The following UBE2G2 variants were observed in gnomAD, a reference collection of about 807,000 sequenced individuals.
UBE2G2 encodes ubiquitin-conjugating enzyme E2 G2.
UBE2G2 carries 10 observed loss-of-function variants against 23.0 expected under a neutral mutation model. The observed-to-expected ratio is 0.43, with a 90% CI of 0.27 to 0.74. The LOEUF (loss-of-function observed/expected upper bound fraction) is 0.74, where lower values mean the gene tolerates loss of function less well. Ranked by LOEUF, UBE2G2 falls within the 30% of genes least tolerant of loss-of-function variation. The pLI is 0.19. For missense variants in UBE2G2, 150 were observed against 218.3 expected (o/e 0.69, Z 1.97); for synonymous variants, 86 against 81.3 (o/e 1.06, Z -0.31).
At position 44,777,316 on chromosome 21, in the gene UBE2G2, T is replaced by G; in HGVS notation, c.227A>C (p.Glu76Ala). The change falls in exon 4 of 6, where the codon GAG becomes GCG. Residue 76 changes from glutamate to alanine, a missense_variant. Coordinates refer to ENST00000345496, the MANE Select transcript of UBE2G2 (RefSeq NM_003343.6). ...LSPPKMRFTC[E>A]MFHPNIYPDG... ...GCACTTACTGTTGGGATGAAACATCTCACAGGTAAATCTCATCTTTGGGGG... is the reference window on the plus strand; with the variant it reads ...GCACTTACTGTTGGGATGAAACATCGCACAGGTAAATCTCATCTTTGGGGG... The G allele has an allele frequency of 6.2e-7, 1 of 1,613,982 alleles. No individual in the cohort carries two copies. Among genetic ancestry groups the G allele is most frequent in the Admixed American group, 1.7e-5 (1 of 60,020 alleles).
At position 44,793,055 on chromosome 21, in the gene UBE2G2, T is replaced by C. The variant is rs1311097043; in HGVS notation, c.44-4960A>G. Reference sequence around the variant, plus strand: ...TTCATGTGGAGTAGATCAGGAGAAATAACCACAGAACCTAATTTGCTAGGC... The same window carrying C: ...TTCATGTGGAGTAGATCAGGAGAAACAACCACAGAACCTAATTTGCTAGGC... On this transcript the variant is annotated intron_variant, in intron 1 of 5. Coordinates refer to ENST00000345496, the MANE Select transcript of UBE2G2 (RefSeq NM_003343.6). 2.0e-5 allele frequency among the ~76,000 whole-genome samples: 3 copies of C among 152,304 alleles called. No individual in the cohort carries two copies. The East Asian group carries it at 5.8e-4, about 29-fold the overall frequency.
intron 1 of UBE2G2, among the ~76,000 whole-genome samples, chr21:44,789,050 A>G (rs1351488242): frequency 2.0e-5 from 3 of 152,114 alleles, no homozygotes; most frequent in African/African-American, 7.2e-5. Context: ...ATATATAAAA[A>G]TGCAAACAAT....
At chr21:44,796,518 CAA>C (rs201137723) in intron 1 of UBE2G2, among the ~76,000 whole-genome samples, 3 of 151,360 alleles carry the variant, frequency 2.0e-5, no homozygotes, top group Non-Finnish European at 4.4e-5. Flanking sequence ...GATACACACA[CAA>C]AAAAAACCAG....
chr21:44,800,317 C>T (rs2083125030), intron 1 of UBE2G2: 1 of 152,100 alleles, frequency 6.6e-6, no homozygotes, highest in African/African-American at 2.4e-5. Context: ...TGAACGTTTA[C>T]AGGAGGCCCT....
At chr21:44,792,558 A>C (rs887427316) in intron 1 of UBE2G2, among the ~76,000 whole-genome samples, 1 of 152,150 alleles carries the variant, frequency 6.6e-6, no homozygotes, top group Non-Finnish European at 1.5e-5. Flanking sequence ...TGCCATGACT[A>C]TAAGTTTCCT....
chr21:44,782,589 G>A (rs1465305043), intron 3 of UBE2G2, among the ~76,000 whole-genome samples: 1 of 152,200 alleles, frequency 6.6e-6, no homozygotes, highest in Non-Finnish European at 1.5e-5. Context: ...CCTAAGGATA[G>A]GCATAGATCA....
chr21:44,782,747 G>C (rs1272848015), intron 3 of UBE2G2, among the ~76,000 whole-genome samples: 3 of 152,180 alleles, frequency 2.0e-5, no homozygotes, highest in Admixed American at 2.0e-4. Context: ...ACAAAAGAAT[G>C]AAACAGACTC....
rs1348378117 is a variant in UBE2G2 at position 44,801,362 on chromosome 21, G to A, written c.43+344C>T. Reference sequence around the variant, plus strand: ...TCCTAATTCCGCAGCAGCAAGTCAGGCCTTCTTCCTCAAGCTCTCACTGCA... The same window carrying A: ...TCCTAATTCCGCAGCAGCAAGTCAGACCTTCTTCCTCAAGCTCTCACTGCA... On this transcript the variant is annotated intron_variant, in intron 1 of 5. Coordinates refer to ENST00000345496, the MANE Select transcript of UBE2G2 (RefSeq NM_003343.6). 5.3e-6 allele frequency: 6 copies of A among 1,129,106 alleles called. No homozygotes were observed. In the African/African-American group the frequency reaches 8.2e-5, roughly 15 times the overall value. 69.9% of individuals were successfully genotyped at this position (1,129,106 alleles called of 1,614,324 possible).
At position 44,771,381 on chromosome 21, in the gene UBE2G2, A is replaced by G; in HGVS notation, c.494T>C (p.Leu165Pro). ...GCGCCTGTGCGAGGCCAGGTCTCAC[A>G]GTCCCAGAGACTTCTGGACGATCTG... ...AKQIVQKSLG[L>P] Residue 165 changes from leucine to proline, a missense_variant, in exon 6 of 6, where the codon CTG becomes CCG. Physicochemically the swap from Leu to Pro is moderately conservative, Grantham distance 98. Coordinates refer to ENST00000345496, the MANE Select transcript of UBE2G2 (RefSeq NM_003343.6). This position sits in a 1 kb window ranked among gnomAD's most constrained non-coding sequence, Gnocchi z 4.6. The G allele has an allele frequency of 1.2e-6, 2 of 1,612,710 alleles. No homozygotes were observed. The highest frequency in any genetic ancestry group is 1.7e-6 in the Non-Finnish European group (2 of 1,179,990).
chr21:44,799,126 C>A (rs2083115895), intron 1 of UBE2G2, among the ~76,000 whole-genome samples: 2 of 152,160 alleles, frequency 1.3e-5, no homozygotes, highest in Admixed American at 1.3e-4. Flanking sequence ...ATTCAGTAAA[C>A]CATGCTGTAC....
intron 1 of UBE2G2, among the ~76,000 whole-genome samples, chr21:44,794,758 T>C (rs1190994868): frequency 6.6e-6 from 1 of 152,102 alleles, no homozygotes; most frequent in African/African-American, 2.4e-5. Flanking sequence ...ATGGTCTCCA[T>C]CTCCTGACCT....
rs2082881712 is a variant in UBE2G2 at position 44,772,497 on chromosome 21, C to T, written c.386-1008G>A. ...TGCCGCCTTCCTTTCCCACACCCTTCCTCCTGACTGCCCTGGAAGACCCCT... is the reference window on the plus strand; with the variant it reads ...TGCCGCCTTCCTTTCCCACACCCTTTCTCCTGACTGCCCTGGAAGACCCCT... On this transcript the variant is annotated intron_variant, in intron 5 of 5. Coordinates refer to ENST00000345496, the MANE Select transcript of UBE2G2 (RefSeq NM_003343.6). This position sits in a 1 kb window ranked among gnomAD's most constrained non-coding sequence, Gnocchi z 5.4. Among the ~76,000 whole-genome samples the T allele has an allele frequency of 6.6e-6, 1 of 152,166 alleles. No homozygotes were observed. The highest frequency in any genetic ancestry group is 1.5e-5 in the Non-Finnish European group (1 of 68,032).
rs200917377 is a variant in UBE2G2 at position 44,801,530 on chromosome 21, G to GT, written c.43+175dup. On this transcript the variant is annotated intron_variant, in intron 1 of 5. Coordinates refer to ENST00000345496, the MANE Select transcript of UBE2G2 (RefSeq NM_003343.6). ...AAGGCTTCTCTTCACGACTTCACGC[G>GT]TGAGAGTGGGCAGCGGGCGCAGGGC... The GT allele has an allele frequency of 6.9e-3, 7,704 of 1,119,564 alleles. 39 individuals are homozygous for GT. The highest frequency in any genetic ancestry group is 0.015 in the South Asian group (696 of 45,472). 69.4% of individuals were successfully genotyped at this position (1,119,564 alleles called of 1,614,324 possible). A position where few individuals can be genotyped will look rare whatever the true frequency, so the allele number is the denominator to read the frequency against.
At chr21:44,789,183 G>C (rs574834268) in intron 1 of UBE2G2, 1 of 151,932 alleles carries the variant, frequency 6.6e-6, no homozygotes, top group African/African-American at 2.4e-5. Context: ...TCAGGAGTTC[G>C]AGACCAGCCT....
rs71326069 is a variant in UBE2G2 at position 44,788,287 on chromosome 21, G to GTTTTTTTTTTTTT, written c.44-193_44-192insAAAAAAAAAAAAA. Among the ~76,000 whole-genome samples, 9 of 135,594 alleles carry GTTTTTTTTTTTTT rather than the reference G, an allele frequency of 6.6e-5. 1 individual carries two copies. The highest frequency in any genetic ancestry group is 1.1e-4 in the Non-Finnish European group (7 of 62,656). The allele number at this position is 135,594 out of a possible 152,430, so 89.0% of individuals were successfully genotyped here. A position where few individuals can be genotyped will look rare whatever the true frequency, so the allele number is the denominator to read the frequency against. ...GATAACAACTACACAAAGTTTTTTT[G>GTTTTTTTTTTTTT]TTTTTTTTTTGTTTTTTTTTGAGAC... On this transcript the variant is annotated intron_variant, in intron 1 of 5. Coordinates refer to ENST00000345496, the MANE Select transcript of UBE2G2 (RefSeq NM_003343.6).
At chr21:44,794,544 T>G (rs1314300175) in intron 1 of UBE2G2, among the ~76,000 whole-genome samples, 2 of 151,286 alleles carry the variant, frequency 1.3e-5, no homozygotes, top group Non-Finnish European at 3.0e-5. Context: ...TTTGTTTTTT[T>G]TTTTTTTTGA....
intron 3 of UBE2G2, among the ~76,000 whole-genome samples, chr21:44,787,429 C>T (rs1215572879): frequency 6.6e-6 from 1 of 152,166 alleles, no homozygotes; most frequent in Non-Finnish European, 1.5e-5. Context: ...AAAGGAGATG[C>T]AGCACACGAA....
chr21:44,775,199 GC>G (rs1464078669), intron 4 of UBE2G2: 1 of 153,676 alleles, frequency 6.5e-6, no homozygotes, highest in African/African-American at 2.4e-5. Context: ...CCTGCGCTGG[GC>G]CTTTGCACAT....
intron 1 of UBE2G2, among the ~76,000 whole-genome samples, chr21:44,791,245 G>A (rs1321518448): frequency 6.6e-6 from 1 of 152,142 alleles, no homozygotes; most frequent in Non-Finnish European, 1.5e-5. Flanking sequence ...ATTCAAATAA[G>A]TAACAAGGAG....
Sources: allele counts gnomAD v4.1 joint callset (sites outside exome capture counted in the v4.1 genomes callset), GRCh38; gene constraint gnomAD v4.1.1; non-coding constraint Gnocchi (gnomAD v3.1); transcripts MANE v1.5; gene names NCBI Gene and HGNC (gene_info 2026-07-23, HGNC 2026-07-21).